COQ8A: variants seen among roughly 807,000 people sequenced by gnomAD.
COQ8A encodes atypical kinase COQ8A, mitochondrial.
A neutral mutation model predicts 65.0 loss-of-function variants in COQ8A; 51 were observed. That is an observed-to-expected ratio of 0.78 (90% CI 0.63 to 0.99). The LOEUF (loss-of-function observed/expected upper bound fraction) is 0.99. COQ8A is among the 50% of genes least tolerant of loss of function. COQ8A has a pLI of 0.00. For missense variants in COQ8A, 940 were observed against 875.0 expected (o/e 1.07, Z -0.94); for synonymous variants, 371 against 353.2 (o/e 1.05, Z -0.57).
At chr1:226,957,292 C>G (rs898598008) in intron 1 of COQ8A, among the ~76,000 whole-genome samples, 2 of 140,326 alleles carry the variant, frequency 1.4e-5, no homozygotes, top group South Asian at 2.4e-4. Flanking sequence ...CCCCCCCCCC[C>G]CCACCTCCCT....
At chr1:226,984,518 C>G (rs1433790144) in intron 11 of COQ8A, 30 bp from the exon 12 acceptor site, 1 of 1,577,446 alleles carries the variant, frequency 6.3e-7, no homozygotes, top group Non-Finnish European at 8.7e-7. Flanking sequence ...TGTGGTGCTG[C>G]CTGACACAGA....
At chr1:226,980,797 G>T (rs1659636912) in intron 5 of COQ8A, among the ~76,000 whole-genome samples, 2 of 152,218 alleles carry the variant, frequency 1.3e-5, no homozygotes, top group South Asian at 4.1e-4. Flanking sequence ...GGCAGATGCG[G>T]GTCTTCTCCG....
intron 1 of COQ8A, among the ~76,000 whole-genome samples, chr1:226,945,626 C>T (rs572319545): frequency 2.0e-5 from 3 of 152,328 alleles, no homozygotes; most frequent in East Asian, 1.9e-4. Flanking sequence ...TTACAGCCAG[C>T]ATGTGGTCAA....
intron 1 of COQ8A, among the ~76,000 whole-genome samples, chr1:226,956,112 ACT>A (rs1254744653): frequency 5.5e-5 from 5 of 90,162 alleles, no homozygotes; most frequent in African/African-American, 9.6e-5. Flanking sequence ...CCTGGCTCTC[ACT>A]CTCCCTGGTT....
chr1:226,965,211 T>A lies in COQ8A; in HGVS notation c.389T>A (p.Phe130Tyr). ...VASGPFREAG[F>Y]PGQASSPLGR... Reference sequence around the variant, plus strand: ...AGTGGACCCTTTAGAGAAGCCGGGTTCCCCGGCCAGGCCTCCTCCCCTCTG... The same window carrying A: ...AGTGGACCCTTTAGAGAAGCCGGGTACCCCGGCCAGGCCTCCTCCCCTCTG... Residue 130 changes from phenylalanine to tyrosine, a missense_variant, in exon 3 of 15, where the codon TTC becomes TAC. Physicochemically the swap from Phe to Tyr is conservative, Grantham distance 22. Coordinates refer to ENST00000366777, the MANE Select transcript of COQ8A (RefSeq NM_020247.5). The A allele has an allele frequency of 1.2e-6, 2 of 1,613,380 alleles. No individual in the cohort carries two copies. The highest frequency in any genetic ancestry group is 1.7e-6 in the Non-Finnish European group (2 of 1,179,944).
At chr1:226,957,292 C>CG (rs1286477569) in intron 1 of COQ8A, among the ~76,000 whole-genome samples, 1 of 140,326 alleles carries the variant, frequency 7.1e-6, no homozygotes, top group African/African-American at 2.6e-5. Flanking sequence ...CCCCCCCCCC[C>CG]CCACCTCCCT....
At position 226,983,869 on chromosome 1, in the gene COQ8A, C is replaced by T. The variant is rs371169984; in HGVS notation, c.1256+15C>T. 1.1e-5 allele frequency: 18 copies of T among 1,592,124 alleles called. No homozygotes were observed. Among genetic ancestry groups the T allele is most frequent in the Non-Finnish European group, 1.4e-5 (16 of 1,170,580 alleles). On this transcript the variant is annotated intron_variant, in intron 10 of 14. Transcript: ENST00000366777. Reference sequence around the variant, plus strand: ...CGCAAGTTCAGGTGTGGCCCCCGGCCGGGCCCCTTGCGTGTTTGCACCAGG... The same window carrying T: ...CGCAAGTTCAGGTGTGGCCCCCGGCTGGGCCCCTTGCGTGTTTGCACCAGG...
At position 226,965,339 on chromosome 1, in the gene COQ8A, C is replaced by G; in HGVS notation, c.517C>G (p.Leu173Val). 1 of 1,613,344 alleles carries G rather than the reference C, an allele frequency of 6.2e-7. No homozygotes were observed. The highest frequency in any genetic ancestry group is 8.5e-7 in the Non-Finnish European group (1 of 1,179,890). Residue 173 changes from leucine (L) to valine (V), a missense_variant, in exon 3 of 15, where the codon CTC (leucine) becomes GTC (valine). By Grantham distance (32) the Leu-to-Val change is conservative. Transcript: ENST00000366777. Reference protein sequence around the residue: ...FHQDQSPVGGLTAEDIEKARQ... With the variant: ...FHQDQSPVGGVTAEDIEKARQ... ...CCAGGACCAATCCCCTGTTGGGGGC[C>G]TCACAGCCGAGGACATTGAGAAGGC...
intron 1 of COQ8A, among the ~76,000 whole-genome samples, chr1:226,948,095 A>G (rs1572017287): frequency 6.6e-6 from 1 of 152,222 alleles, no homozygotes; most frequent in Non-Finnish European, 1.5e-5. Flanking sequence ...TTTGTGGCTC[A>G]AAGCATCATA....
At chr1:226,985,196 G>C in intron 13 of COQ8A, 58 bp from the exon 14 acceptor site, 4 of 1,572,452 alleles carry the variant, frequency 2.5e-6, no homozygotes, top group South Asian at 1.1e-5. Context: ...GGCTCCCTGG[G>C]ATGTCGGGAG....
At chr1:226,941,433 C>G (rs1054057948) in intron 1 of COQ8A, among the ~76,000 whole-genome samples, 3 of 152,094 alleles carry the variant, frequency 2.0e-5, no homozygotes, top group Non-Finnish European at 2.9e-5. Context: ...GGCCTTTCTC[C>G]CGAGGAGAGA....
At chr1:226,970,856 A>G (rs1427931077) in intron 4 of COQ8A, among the ~76,000 whole-genome samples, 1 of 152,090 alleles carries the variant, frequency 6.6e-6, no homozygotes, top group Admixed American at 6.6e-5. Flanking sequence ...TTTATTTGGT[A>G]TAATTTTCTT....
intron 5 of COQ8A, among the ~76,000 whole-genome samples, chr1:226,977,912 C>T (rs1286271771): frequency 9.4e-5 from 14 of 149,406 alleles, no homozygotes; most frequent in East Asian, 2.0e-4. Flanking sequence ...CGAACACGCG[C>T]ACACCTTACA....
chr1:226,960,411 GCGGTGGTACTTGGTGGTGGTACT>G (rs1658142667), intron 1 of COQ8A, among the ~76,000 whole-genome samples: 1 of 138,766 alleles, frequency 7.2e-6, no homozygotes, highest in Non-Finnish European at 1.6e-5. Context: ...CTTGGTGGTG[GCGGTGGTACTTGGTGGTGGTACT>G]TGGTGGTACT....
chr1:226,979,744 G>A (rs762083156), intron 5 of COQ8A, among the ~76,000 whole-genome samples: 3 of 152,180 alleles, frequency 2.0e-5, no homozygotes, highest in South Asian at 4.1e-4. Flanking sequence ...CCACAGGCCC[G>A]GACTGAGTCC....
chr1:226,941,636 G>A (rs1377453453), intron 1 of COQ8A, among the ~76,000 whole-genome samples: 1 of 152,154 alleles, frequency 6.6e-6, no homozygotes. Flanking sequence ...TTAGCCGGAT[G>A]TGGTGGCGGG....
intron 1 of COQ8A, among the ~76,000 whole-genome samples, chr1:226,950,589 A>G (rs186078857): frequency 1.6e-4 from 25 of 152,344 alleles, no homozygotes; most frequent in Admixed American, 1.1e-3. Flanking sequence ...GAGTTAATAC[A>G]TCTTTGTGCT....
intron 1 of COQ8A, among the ~76,000 whole-genome samples, chr1:226,959,411 C>A (rs1658008311): frequency 6.6e-6 from 1 of 151,040 alleles, no homozygotes; most frequent in African/African-American, 2.4e-5. Context: ...CATAGTGAGA[C>A]CCCTCTCTTA....
chr1:226,943,458 C>T (rs1459317508), intron 1 of COQ8A, among the ~76,000 whole-genome samples: 7 of 152,120 alleles, frequency 4.6e-5, no homozygotes, highest in African/African-American at 1.7e-4. Context: ...GGGTGGGAGC[C>T]CCACGGAGGT....
Sources: gnomAD v4.1 joint callset for allele counts (sites outside exome capture counted in the v4.1 genomes callset) on GRCh38, gnomAD v4.1.1 for gene constraint, MANE v1.5 for transcripts, NCBI Gene and HGNC (gene_info 2026-07-23, HGNC 2026-07-21) for gene names.